MUSK: variants seen among roughly 807,000 people sequenced by gnomAD.
The protein encoded by MUSK is muscle associated receptor tyrosine kinase.
A neutral mutation model predicts 88.7 loss-of-function variants in MUSK; 55 were observed. That is an observed-to-expected ratio of 0.62 (90% CI 0.50 to 0.78). The LOEUF is 0.78. Among genes scored for constraint, MUSK ranks in the 30% least tolerant of loss-of-function variants. The pLI is 0.00. For missense variants in MUSK, 1,015 were observed against 1,074.3 expected (o/e 0.94, Z 0.77); for synonymous variants, 387 against 391.9 (o/e 0.99, Z 0.15).
At chr9:110,718,543 T>C (rs1263225769) in intron 5 of MUSK, among the ~76,000 whole-genome samples, 1 of 151,922 alleles carries the variant, frequency 6.6e-6, no homozygotes, top group Non-Finnish European at 1.5e-5. Context: ...GAAAAAATAA[T>C]TTTTAAAAAT....
chr9:110,669,038 G>A, intron 1 of MUSK, 55 bp downstream of exon 1: 3 of 1,460,058 alleles, frequency 2.1e-6, no homozygotes, highest in Admixed American at 1.7e-5. Flanking sequence ...TAAAGTGTGT[G>A]TATATGAGAT....
chr9:110,684,039 T>A (rs183740233), intron 2 of MUSK, among the ~76,000 whole-genome samples: 1 of 152,196 alleles, frequency 6.6e-6, no homozygotes, highest in East Asian at 1.9e-4. Context: ...TGGGTATCTC[T>A]CAAGAAATTT....
intron 11 of MUSK, among the ~76,000 whole-genome samples, chr9:110,778,365 G>T (rs1217431115): frequency 6.6e-6 from 1 of 152,086 alleles, no homozygotes; most frequent in Non-Finnish European, 1.5e-5. Context: ...ACTCAGCAGT[G>T]AATCTGTCTT....
chr9:110,744,076 T>C (rs2131866355), intron 6 of MUSK, among the ~76,000 whole-genome samples: 1 of 152,076 alleles, frequency 6.6e-6, no homozygotes, highest in Non-Finnish European at 1.5e-5. Flanking sequence ...CAAGCAATGC[T>C]CCTGCCTCAG....
At chr9:110,689,157 A>C (rs1285889003) in intron 3 of MUSK, among the ~76,000 whole-genome samples, 1 of 118,936 alleles carries the variant, frequency 8.4e-6, no homozygotes, top group Non-Finnish European at 1.6e-5. Flanking sequence ...ATTTATATAA[A>C]ATATAAATAA....
At chr9:110,688,931 A>T (rs1344485801) in intron 3 of MUSK, among the ~76,000 whole-genome samples, 1 of 146,166 alleles carries the variant, frequency 6.8e-6, no homozygotes, top group Non-Finnish European at 1.5e-5. Context: ...TTTATATATA[A>T]ATATATGTAA....
At chr9:110,714,023 T>C (rs990323787) in intron 5 of MUSK, among the ~76,000 whole-genome samples, 11 of 152,170 alleles carry the variant, frequency 7.2e-5, no homozygotes, top group African/African-American at 2.7e-4. Flanking sequence ...AAAAATGTTT[T>C]AAAAAGGTAA....
chr9:110,689,327 T>G (rs1191267908), intron 3 of MUSK, among the ~76,000 whole-genome samples: 1 of 117,402 alleles, frequency 8.5e-6, no homozygotes, highest in African/African-American at 3.5e-5. Context: ...ATATTAAATA[T>G]ATATTTAAAT....
At chr9:110,744,471 C>A (rs950102079) in intron 6 of MUSK, among the ~76,000 whole-genome samples, 5 of 152,178 alleles carry the variant, frequency 3.3e-5, no homozygotes, top group African/African-American at 1.2e-4. Flanking sequence ...AAGTACTCCA[C>A]AGGTCTATAA....
chr9:110,689,321 TA>T (rs1404547725), intron 3 of MUSK, among the ~76,000 whole-genome samples: 66 of 117,288 alleles, frequency 5.6e-4, no homozygotes, highest in Non-Finnish European at 7.4e-4. Flanking sequence ...AAATATATAT[TA>T]AATATATATT....
At chr9:110,707,504 T>G (rs1341437832) in intron 5 of MUSK, among the ~76,000 whole-genome samples, 1 of 152,228 alleles carries the variant, frequency 6.6e-6, no homozygotes, top group Non-Finnish European at 1.5e-5. Flanking sequence ...TGTAGTGTAC[T>G]TGAGACCCAA....
intron 5 of MUSK, among the ~76,000 whole-genome samples, chr9:110,703,064 A>G (rs960807555): frequency 6.6e-6 from 1 of 152,200 alleles, no homozygotes; most frequent in African/African-American, 2.4e-5. Context: ...GGATATACCT[A>G]CACTGAGGAT....
At chr9:110,755,761 T>A (rs1002205267) in intron 7 of MUSK, among the ~76,000 whole-genome samples, 2 of 151,704 alleles carry the variant, frequency 1.3e-5, no homozygotes, top group Non-Finnish European at 2.9e-5. Flanking sequence ...TTCCTCTTCA[T>A]CTCTGGCATA....
intron 14 of MUSK, 130 bp from the exon 15 acceptor site, chr9:110,800,176 A>G: frequency 1.2e-6 from 1 of 824,584 alleles, no homozygotes; most frequent in Admixed American, 2.7e-5. Flanking sequence ...ATATTAAAAA[A>G]CAAACATACG....
In MUSK at chr9:110,800,384, G is replaced by T. The variant is rs990106131; in HGVS notation, c.2006G>T (p.Ser669Ile). The T allele has an allele frequency of 8.7e-6, 14 of 1,613,826 alleles. No homozygotes were observed. The highest frequency in any genetic ancestry group is 1.2e-5 in the Non-Finnish European group (14 of 1,179,852). The change falls in exon 15 of 15, where the codon AGC becomes ATC. Residue 669 changes from serine (S) to isoleucine (I), a missense_variant. Coordinates refer to ENST00000374448, the MANE Select transcript of MUSK (RefSeq NM_005592.4). ...AYGDLNEFLR[S>I]MSPHTVCSLS... The stretch of plus-strand genomic sequence containing the variant: ...GGTGACCTCAATGAGTTCCTCCGCA[G>T]CATGTCCCCTCACACCGTGTGCAGC...
chr9:110,771,532 T>C (rs2077575446), intron 9 of MUSK, among the ~76,000 whole-genome samples: 1 of 152,208 alleles, frequency 6.6e-6, no homozygotes. Context: ...TGACTTCTTT[T>C]GTTCAACATG....
intron 5 of MUSK, chr9:110,728,842 G>T: frequency 1.5e-6 from 1 of 678,358 alleles, no homozygotes; most frequent in Non-Finnish European, 2.3e-6. Context: ...AATGTATGGG[G>T]AATATTAAGT....
At chr9:110,688,922 T>A (rs1438027052) in intron 3 of MUSK, among the ~76,000 whole-genome samples, 1 of 146,298 alleles carries the variant, frequency 6.8e-6, no homozygotes, top group African/African-American at 2.5e-5. Context: ...TTATATATAT[T>A]TATATATAAA....
Position 110,800,302 on chromosome 9 carries a change from C to A in MUSK, c.1928-4C>A, listed in dbSNP as rs375406874. Reference sequence around the variant, plus strand: ...GACTAACAGGGATGGTCTTTTGGTTCCAGGAGTGTGTGCTGTCGGGAAGCC... The same window carrying A: ...GACTAACAGGGATGGTCTTTTGGTTACAGGAGTGTGTGCTGTCGGGAAGCC... On this transcript the variant is annotated splice_polypyrimidine_tract_variant and splice_region_variant and intron_variant, in intron 14 of 14. Transcript: ENST00000374448. The A allele has an allele frequency of 8.5e-5, 134 of 1,585,110 alleles. No individual in the cohort carries two copies. The African/African-American group carries it at 1.6e-3, about 19-fold the overall frequency.
Sources: gnomAD v4.1 joint callset for allele counts (sites outside exome capture counted in the v4.1 genomes callset) on GRCh38, gnomAD v4.1.1 for gene constraint, MANE v1.5 for transcripts, NCBI Gene and HGNC (gene_info 2026-07-23, HGNC 2026-07-21) for gene names.